CYRIA: variants seen among roughly 807,000 people sequenced by gnomAD.
The protein encoded by CYRIA is CYFIP related Rac1 interactor A.
CYRIA carries 15 observed loss-of-function variants against 43.9 expected under a neutral mutation model. The observed-to-expected ratio is 0.34, with a 90% CI of 0.23 to 0.53. The LOEUF is 0.53. Among genes scored for constraint, CYRIA ranks in the 20% least tolerant of loss-of-function variants. CYRIA has a pLI of 0.94. For missense variants in CYRIA, 236 were observed against 394.2 expected, an observed-to-expected ratio of 0.60 and a Z score of 3.40; for synonymous variants, 117 against 136.0, an observed-to-expected ratio of 0.86 and a Z score of 0.97.
At chr2:16,635,114 G>A (rs1463681731) in intron 1 of CYRIA, among the ~76,000 whole-genome samples, 1 of 152,128 alleles carries the variant, frequency 6.6e-6, no homozygotes, top group Non-Finnish European at 1.5e-5. Flanking sequence ...AAATAGGGAG[G>A]AGACATTTGA....
intron 1 of CYRIA, among the ~76,000 whole-genome samples, chr2:16,643,102 ATAT>A: frequency 6.6e-6 from 1 of 151,628 alleles, no homozygotes; most frequent in Non-Finnish European, 1.5e-5. Flanking sequence ...CCATAATAAA[ATAT>A]TATTATTGTT....
At chr2:16,660,437 G>C (rs961677615) in intron 1 of CYRIA, among the ~76,000 whole-genome samples, 6 of 152,126 alleles carry the variant, frequency 3.9e-5, no homozygotes, top group African/African-American at 1.4e-4. Flanking sequence ...ATTGAAGTAA[G>C]AGTCAAAACA....
chr2:16,591,605 C>T (rs1259421312), intron 2 of CYRIA, among the ~76,000 whole-genome samples: 1 of 152,056 alleles, frequency 6.6e-6, no homozygotes, highest in Non-Finnish European at 1.5e-5. Context: ...TTAGGGTGTA[C>T]TCTGAAGGGC....
intron 3 of CYRIA, among the ~76,000 whole-genome samples, chr2:16,586,410 T>G (rs151078362): frequency 5.2e-4 from 79 of 152,138 alleles, no homozygotes; most frequent in African/African-American, 1.8e-3. Flanking sequence ...TTTAGAGGAA[T>G]ATCAAAAGTT....
At chr2:16,569,490 T>C (rs1217561011) in intron 3 of CYRIA, among the ~76,000 whole-genome samples, 1 of 152,214 alleles carries the variant, frequency 6.6e-6, no homozygotes, top group Non-Finnish European at 1.5e-5. Context: ...AATTTCTTCC[T>C]TCTTTCCTGT....
intron 5 of CYRIA, among the ~76,000 whole-genome samples, 155 bp from the exon 6 acceptor site, chr2:16,562,296 G>T (rs1284610960): frequency 6.6e-6 from 1 of 152,170 alleles, no homozygotes; most frequent in Admixed American, 6.6e-5. Context: ...ACGAGGAAGA[G>T]AAGGAATCCC....
At chr2:16,584,692 T>C (rs1361695545) in intron 3 of CYRIA, among the ~76,000 whole-genome samples, 1 of 152,194 alleles carries the variant, frequency 6.6e-6, no homozygotes, top group African/African-American at 2.4e-5. Context: ...ATTTGGTGTT[T>C]CATCTAAATC....
intron 1 of CYRIA, among the ~76,000 whole-genome samples, chr2:16,644,988 A>G (rs1412295954): frequency 5.9e-5 from 9 of 152,314 alleles, no homozygotes; most frequent in African/African-American, 1.9e-4. Flanking sequence ...ATAAACTTCT[A>G]CTTTGATGTT....
chr2:16,614,745 C>A (rs73918615), intron 2 of CYRIA, among the ~76,000 whole-genome samples: 3,465 of 152,306 alleles, frequency 0.023, 132 homozygotes, highest in African/African-American at 0.076. Flanking sequence ...TGAGACGGAG[C>A]GTAGAGACAC....
chr2:16,593,466 G>C (rs1667998503), intron 2 of CYRIA, among the ~76,000 whole-genome samples: 1 of 152,034 alleles, frequency 6.6e-6, no homozygotes. Flanking sequence ...CAGTGTAGAA[G>C]CTGATTAAAA....
At position 16,650,275 on chromosome 2, in the gene CYRIA, G is replaced by C. The variant is rs1479379694; in HGVS notation, c.-167+15505C>G. Reference sequence around the variant, plus strand: ...TGAGACGAAATTATGTCAATTTTATGGATGACATCCCTAAGACGTAAGAGT... The same window carrying C: ...TGAGACGAAATTATGTCAATTTTATCGATGACATCCCTAAGACGTAAGAGT... On this transcript the variant is annotated intron_variant, in intron 1 of 11. Transcript: ENST00000381323. The surrounding 1 kb of genome is among the most constrained non-coding windows in gnomAD (Gnocchi z 4.1). Among the ~76,000 whole-genome samples the C allele has an allele frequency of 1.3e-5, 2 of 152,164 alleles. No individual in the cohort carries two copies. The highest frequency in any genetic ancestry group is 6.5e-5 in the Admixed American group (1 of 15,278).
At chr2:16,612,331 TAGGAAGA>T (rs1465095339) in intron 2 of CYRIA, among the ~76,000 whole-genome samples, 2 of 139,170 alleles carry the variant, frequency 1.4e-5, no homozygotes, top group African/African-American at 5.5e-5. Context: ...GGTGAGAGGA[TAGGAAGA>T]AGGAAGGAAG....
At chr2:16,561,923 C>A in intron 6 of CYRIA, 82 bp downstream of exon 6, 1 of 1,370,098 alleles carries the variant, frequency 7.3e-7, no homozygotes, top group Non-Finnish European at 1.0e-6. Flanking sequence ...TACCCACCCA[C>A]CCCACAGCAC....
At chr2:16,632,982 G>T (rs993377771) in intron 1 of CYRIA, among the ~76,000 whole-genome samples, 1 of 152,194 alleles carries the variant, frequency 6.6e-6, no homozygotes, top group African/African-American at 2.4e-5. Context: ...CCAATGAGGG[G>T]AGCAGCGGAT....
At chr2:16,629,542 A>AG (rs1188992113) in intron 1 of CYRIA, among the ~76,000 whole-genome samples, 2 of 152,178 alleles carry the variant, frequency 1.3e-5, no homozygotes, top group Non-Finnish European at 2.9e-5. Context: ...ATGTTTAATC[A>AG]TGGAGCATCA....
chr2:16,638,897 A>T (rs994710760), intron 1 of CYRIA, among the ~76,000 whole-genome samples: 1 of 152,190 alleles, frequency 6.6e-6, no homozygotes, highest in Non-Finnish European at 1.5e-5. Context: ...AAAATGGGAA[A>T]AACATGATGT....
At chr2:16,630,138 C>G (rs1669285692) in intron 1 of CYRIA, among the ~76,000 whole-genome samples, 1 of 152,194 alleles carries the variant, frequency 6.6e-6, no homozygotes, top group Non-Finnish European at 1.5e-5. Context: ...TCTACCAGCC[C>G]TCGCCCCACT....
chr2:16,571,287 T>TC (rs1465430016), intron 3 of CYRIA, among the ~76,000 whole-genome samples: 1 of 152,210 alleles, frequency 6.6e-6, no homozygotes, highest in African/African-American at 2.4e-5. Context: ...TACTTTGCTG[T>TC]CACCTGAGGC....
intron 2 of CYRIA, among the ~76,000 whole-genome samples, chr2:16,606,477 G>A (rs1668401107): frequency 6.6e-6 from 1 of 151,494 alleles, no homozygotes; most frequent in African/African-American, 2.4e-5. Context: ...CATGTTACAG[G>A]GAATGTCACA....
Sources: allele counts gnomAD v4.1 joint callset (sites outside exome capture counted in the v4.1 genomes callset), GRCh38; gene constraint gnomAD v4.1.1; non-coding constraint Gnocchi (gnomAD v3.1); transcripts MANE v1.5; gene names NCBI Gene and HGNC (gene_info 2026-07-23, HGNC 2026-07-21).